Variants in DGKK observed in about 807,000 individuals in gnomAD.
DGKK encodes diacylglycerol kinase kappa.
A neutral mutation model predicts 92.2 loss-of-function variants in DGKK; 35 were observed. The observed-to-expected ratio is 0.38, with a 90% CI of 0.29 to 0.50. The LOEUF (loss-of-function observed/expected upper bound fraction) is 0.50, where lower values mean the gene tolerates loss of function less well. Ranked by LOEUF, DGKK falls within the 20% of genes least tolerant of loss-of-function variation. The probability of loss-of-function intolerance (pLI) is 0.92; values close to 1 mark genes in which losing one functional copy is unlikely to be tolerated. For missense variants in DGKK, 910 were observed against 992.2 expected, an observed-to-expected ratio of 0.92 and a Z score of 1.11; for synonymous variants, 368 against 360.6, an observed-to-expected ratio of 1.02 and a Z score of -0.23.
At chrX:50,447,376 TATATATA>T (rs1399043074) in intron 1 of DGKK, among the ~76,000 whole-genome samples, 14,809 of 34,263 alleles carry the variant, frequency 0.43, 3,074 homozygotes, top group Admixed American at 0.63. Context: ...ATATTATATA[TATATATA>T]ATATATATAT....
intron 18 of DGKK, 56 bp downstream of exon 18, chrX:50,382,440 G>T: frequency 1.2e-6 from 1 of 850,231 alleles, no homozygotes; most frequent in Non-Finnish European, 1.7e-6. Flanking sequence ...GTAGGAATAC[G>T]TATGTGTATT....
At chrX:50,449,419 C>T (rs1926442755) in intron 1 of DGKK, among the ~76,000 whole-genome samples, 1 of 111,462 alleles carries the variant, frequency 9.0e-6, no homozygotes, top group East Asian at 2.8e-4. Context: ...TCTAAGACAA[C>T]GTTCAATGGT....
intron 1 of DGKK, among the ~76,000 whole-genome samples, chrX:50,456,006 A>T (rs1926601319): frequency 8.9e-6 from 1 of 111,902 alleles, no homozygotes; most frequent in Non-Finnish European, 1.9e-5. Context: ...TAGACATGAC[A>T]CCCTCATATA....
chrX:50,438,592 C>G (rs1421754205), intron 1 of DGKK, among the ~76,000 whole-genome samples: 1 of 111,651 alleles, frequency 9.0e-6, no homozygotes, highest in Non-Finnish European at 1.9e-5. Context: ...AACCACGAGA[C>G]ACCTGAATAA....
At chrX:50,466,239 A>G (rs1228035925) in intron 1 of DGKK, among the ~76,000 whole-genome samples, 1 of 110,453 alleles carries the variant, frequency 9.1e-6, no homozygotes, top group Non-Finnish European at 1.9e-5. Context: ...GGTATCATCA[A>G]AGCTTGGCAA....
chrX:50,455,180 A>G (rs1328890624), intron 1 of DGKK, among the ~76,000 whole-genome samples: 1 of 112,183 alleles, frequency 8.9e-6, no homozygotes, highest in Non-Finnish European at 1.9e-5. Flanking sequence ...CTTATTATTC[A>G]GTTGATACCT....
In DGKK at chrX:50,416,212, A is replaced by C. The variant is rs143067360; in HGVS notation, c.942+4191T>G. On this transcript the variant is annotated intron_variant, in intron 4 of 27. Coordinates refer to ENST00000611977, the MANE Select transcript of DGKK (RefSeq NM_001013742.4). ...CTACAGCCTCCAGAAGTGTCAGAAA[A>C]ACATGTTTGTTGCTTAAGCCACCTA... 8.6e-3 allele frequency among the ~76,000 whole-genome samples: 965 copies of C among 111,928 alleles called. 6 individuals are homozygous for C. Among genetic ancestry groups the C allele is most frequent in the Middle Eastern group, 0.037 (8 of 216 alleles).
chrX:50,415,963 G>T (rs1432442180), intron 4 of DGKK, among the ~76,000 whole-genome samples: 1 of 112,086 alleles, frequency 8.9e-6, no homozygotes, highest in Middle Eastern at 4.2e-3. Flanking sequence ...TAATTTGGAG[G>T]TGTGCAGGGG....
chrX:50,379,909 T>C, intron 19 of DGKK, 72 bp downstream of exon 19: 2 of 1,017,191 alleles, frequency 2.0e-6, no homozygotes, highest in Non-Finnish European at 2.8e-6. Context: ...AGAATCAGCA[T>C]GTACGGTATT....
At chrX:50,455,710 T>C (rs1197664020) in intron 1 of DGKK, among the ~76,000 whole-genome samples, 2 of 111,511 alleles carry the variant, frequency 1.8e-5, no homozygotes, top group Admixed American at 9.5e-5. Context: ...AAAGGAAAAA[T>C]AGAAGTTATT....
chrX:50,376,819 A>G lies in DGKK; in HGVS notation c.3211T>C (p.Ser1071Pro). The change falls in exon 23 of 28, where the codon TCT becomes CCT. Residue 1071 changes from serine to proline, a missense_variant. Transcript: ENST00000611977. ...LDFQDSQESL[S>P]DEEYAQMQHL... ...TGCATCTGGGCATACTCCTCGTCAGAGAGGCTCTCTTGAGAGTCCTGGAAG... is the reference window on the plus strand; with the variant it reads ...TGCATCTGGGCATACTCCTCGTCAGGGAGGCTCTCTTGAGAGTCCTGGAAG... The G allele has an allele frequency of 8.3e-7, 1 of 1,208,439 alleles. No individual in the cohort carries two copies.
intron 8 of DGKK, among the ~76,000 whole-genome samples, chrX:50,395,774 T>C (rs1557226044): frequency 2.0e-5 from 2 of 101,429 alleles, no homozygotes; most frequent in Non-Finnish European, 3.9e-5. Context: ...GTTAACATTT[T>C]TTTTTCTTGT....
chrX:50,468,767 G>C (rs145592356), intron 1 of DGKK, among the ~76,000 whole-genome samples: 2 of 110,521 alleles, frequency 1.8e-5, no homozygotes, highest in African/African-American at 6.6e-5. Flanking sequence ...ATAAGTGTGC[G>C]GTCCACAGCA....
In DGKK at chrX:50,440,180, C is replaced by T. The variant is rs189074889; in HGVS notation, c.646-15822G>A. On this transcript the variant is annotated intron_variant, in intron 1 of 27. Transcript: ENST00000611977. ...GCCACAGTTATGGGAAACGTAGTTT[C>T]AAGAGCTGCTATAATCTGCCATAAC... Among the ~76,000 whole-genome samples, 461 of 111,944 alleles carry T rather than the reference C, an allele frequency of 4.1e-3. 3 individuals are homozygous for T. Among genetic ancestry groups the T allele is most frequent in the African/African-American group, 0.014 (438 of 30,893 alleles).
chrX:50,370,373 C>G, intron 27 of DGKK, 53 bp downstream of exon 27: 2 of 1,149,863 alleles, frequency 1.7e-6, no homozygotes, highest in Non-Finnish European at 2.3e-6. Context: ...TGGGAGGTAG[C>G]CAGGCTGTTG....
At chrX:50,444,382 G>A (rs1182342021) in intron 1 of DGKK, among the ~76,000 whole-genome samples, 11 of 110,389 alleles carry the variant, frequency 1.0e-4, no homozygotes, top group Admixed American at 7.7e-4. Context: ...AGACTATTTC[G>A]TCACCCAGGT....
intron 18 of DGKK, among the ~76,000 whole-genome samples, chrX:50,381,605 A>G (rs782001080): frequency 1.8e-5 from 2 of 112,533 alleles, no homozygotes; most frequent in East Asian, 2.8e-4. Flanking sequence ...AAAGTAGATC[A>G]TACACTTAAA....
Position 50,415,483 on chromosome X carries a change from C to T in DGKK, c.942+4920G>A, listed in dbSNP as rs1428928175. Among the ~76,000 whole-genome samples the T allele has an allele frequency of 3.6e-5, 4 of 111,561 alleles. No individual in the cohort carries two copies. In the East Asian group the frequency reaches 8.4e-4, roughly 23 times the overall value. On this transcript the variant is annotated intron_variant, in intron 4 of 27. Coordinates refer to ENST00000611977, the MANE Select transcript of DGKK (RefSeq NM_001013742.4). ...TGTGGCTTGCTGCTGCTGCCCAGCA[C>T]GGTACTGCCTATGACTACCTCAGGA...
At chrX:50,427,587 T>C (rs1557229846) in intron 1 of DGKK, among the ~76,000 whole-genome samples, 2 of 92,574 alleles carry the variant, frequency 2.2e-5, no homozygotes. Context: ...TTAATAATAA[T>C]AATAATAATA....
Sources: gnomAD v4.1 joint callset for allele counts (sites outside exome capture counted in the v4.1 genomes callset) on GRCh38, gnomAD v4.1.1 for gene constraint, MANE v1.5 for transcripts, NCBI Gene and HGNC (gene_info 2026-07-23, HGNC 2026-07-21) for gene names.